GPATCH2: variants seen among roughly 807,000 people sequenced by gnomAD.
GPATCH2 encodes G-patch domain containing 2, also known as G patch domain-containing protein 2.
In GPATCH2, 51 loss-of-function variants were observed where a neutral mutation model predicts 58.0. That is an observed-to-expected ratio of 0.88 (90% CI 0.70 to 1.11). The LOEUF (loss-of-function observed/expected upper bound fraction) is 1.11. Ranked by LOEUF, GPATCH2 falls within the 50% of genes most tolerant of loss-of-function variation. The probability of loss-of-function intolerance (pLI) is 0.00; values close to 1 mark genes in which losing one functional copy is unlikely to be tolerated. For synonymous variants in GPATCH2, 222 were observed against 218.5 expected, an observed-to-expected ratio of 1.02 and a Z score of -0.14; for missense variants, 625 against 652.2, an observed-to-expected ratio of 0.96 and a Z score of 0.45.
chr1:217,543,416 C>T (rs2102649411), intron 5 of GPATCH2, among the ~76,000 whole-genome samples: 1 of 151,970 alleles, frequency 6.6e-6, no homozygotes, highest in African/African-American at 2.4e-5. Flanking sequence ...ACTACAGGCG[C>T]CCACCACCTC....
At chr1:217,512,670 C>A (rs1317600640) in intron 6 of GPATCH2, among the ~76,000 whole-genome samples, 1 of 152,206 alleles carries the variant, frequency 6.6e-6, no homozygotes, top group Non-Finnish European at 1.5e-5. Flanking sequence ...GAAACTGCAA[C>A]AACAAACACA....
chr1:217,584,990 A>G lies in GPATCH2; in HGVS notation c.1098+25331T>C, dbSNP rs140906098. On this transcript the variant is annotated intron_variant, in intron 5 of 9. Transcript: ENST00000366935. ...AAATAATACCAGGAAAATATAAACT[A>G]AAGAAAGATGAGGGCAGATATGTTA... Among the ~76,000 whole-genome samples the G allele has an allele frequency of 9.5e-4, 145 of 152,220 alleles. 1 individual carries two copies. The highest frequency in any genetic ancestry group is 3.3e-3 in the African/African-American group (137 of 41,568).
At chr1:217,469,671 A>T (rs1660631030) in intron 8 of GPATCH2, among the ~76,000 whole-genome samples, 1 of 152,148 alleles carries the variant, frequency 6.6e-6, no homozygotes, top group Admixed American at 6.5e-5. Context: ...TAAGTAAAAC[A>T]TTCTAATTAT....
chr1:217,614,297 T>TAA, intron 2 of GPATCH2, 95 bp from the exon 3 acceptor site: 1 of 714,576 alleles, frequency 1.4e-6, no homozygotes, highest in Non-Finnish European at 2.5e-6. Flanking sequence ...AGATGGAACT[T>TAA]AAGCCTGACA....
chr1:217,548,623 C>T (rs1038434772), intron 5 of GPATCH2, among the ~76,000 whole-genome samples: 1 of 152,146 alleles, frequency 6.6e-6, no homozygotes, highest in South Asian at 2.1e-4. Context: ...TGTGTCCCCA[C>T]CCAAATCTCA....
intron 2 of GPATCH2, among the ~76,000 whole-genome samples, chr1:217,614,526 C>T (rs1172179507): frequency 6.6e-6 from 1 of 152,038 alleles, no homozygotes; most frequent in Non-Finnish European, 1.5e-5. Context: ...TTACGTCATG[C>T]AATTCAGCTT....
intron 1 of GPATCH2, among the ~76,000 whole-genome samples, chr1:217,629,106 G>A (rs1240731013): frequency 6.6e-6 from 1 of 152,102 alleles, no homozygotes; most frequent in African/African-American, 2.4e-5. Flanking sequence ...CTTAGTAGCA[G>A]TATTCCCAGT....
chr1:217,458,090 C>T (rs1239373971), intron 8 of GPATCH2, among the ~76,000 whole-genome samples: 1 of 152,058 alleles, frequency 6.6e-6, no homozygotes, highest in Non-Finnish European at 1.5e-5. Context: ...ATTAGCCAGG[C>T]GTGGTCGCGG....
chr1:217,622,029 G>C (rs997965286), intron 1 of GPATCH2, among the ~76,000 whole-genome samples: 7 of 152,188 alleles, frequency 4.6e-5, no homozygotes, highest in African/African-American at 1.7e-4. Context: ...CAGCAATCAG[G>C]TTCCAGAGCT....
At chr1:217,557,824 T>C (rs1397389351) in intron 5 of GPATCH2, among the ~76,000 whole-genome samples, 1 of 152,176 alleles carries the variant, frequency 6.6e-6, no homozygotes, top group Non-Finnish European at 1.5e-5. Context: ...TTAATGTATC[T>C]TTCATAAGAT....
chr1:217,484,365 C>T (rs878856297), intron 8 of GPATCH2, among the ~76,000 whole-genome samples: 1 of 151,802 alleles, frequency 6.6e-6, no homozygotes, highest in African/African-American at 2.4e-5. Context: ...TCTTGGGTCT[C>T]GAGTCTGTCG....
intron 5 of GPATCH2, among the ~76,000 whole-genome samples, chr1:217,603,125 G>C: frequency 6.6e-6 from 1 of 152,076 alleles, no homozygotes; most frequent in Non-Finnish European, 1.5e-5. Flanking sequence ...GCATCATTGT[G>C]TCTAATTACC....
chr1:217,529,829 C>T (rs531977010), intron 5 of GPATCH2, among the ~76,000 whole-genome samples: 1 of 152,140 alleles, frequency 6.6e-6, no homozygotes, highest in Non-Finnish European at 1.5e-5. Flanking sequence ...TAACTTTTTG[C>T]TCTCCACACT....
intron 9 of GPATCH2, among the ~76,000 whole-genome samples, chr1:217,447,407 C>T (rs1659439999): frequency 6.6e-6 from 1 of 152,166 alleles, no homozygotes; most frequent in African/African-American, 2.4e-5. Flanking sequence ...AGGTGTTATG[C>T]AGACCTAGGC....
intron 8 of GPATCH2, among the ~76,000 whole-genome samples, chr1:217,468,399 G>C (rs909558938): frequency 1.6e-4 from 25 of 152,060 alleles, no homozygotes; most frequent in African/African-American, 6.0e-4. Context: ...GAGGACAGTG[G>C]AGTATGTTAA....
intron 6 of GPATCH2, among the ~76,000 whole-genome samples, chr1:217,512,501 T>C (rs1662903064): frequency 6.6e-6 from 1 of 152,200 alleles, no homozygotes; most frequent in African/African-American, 2.4e-5. Flanking sequence ...TGTGTAGGAT[T>C]TCTCTGACAA....
chr1:217,614,462 A>C (rs1416094073), intron 2 of GPATCH2, among the ~76,000 whole-genome samples: 1 of 152,098 alleles, frequency 6.6e-6, no homozygotes, highest in Admixed American at 6.6e-5. Flanking sequence ...CGAGATGCTG[A>C]CACAATTGAT....
chr1:217,568,627 G>C (rs1040624241), intron 5 of GPATCH2, among the ~76,000 whole-genome samples: 5 of 152,188 alleles, frequency 3.3e-5, no homozygotes, highest in Admixed American at 1.3e-4. Context: ...GCTATCTTGG[G>C]AGCATGCAGG....
intron 8 of GPATCH2, among the ~76,000 whole-genome samples, chr1:217,469,826 A>G (rs1660638061): frequency 6.6e-6 from 1 of 152,186 alleles, no homozygotes; most frequent in Admixed American, 6.5e-5. Flanking sequence ...GATGAATTTA[A>G]TAGGTTTTTT....
Sources: allele counts gnomAD v4.1 joint callset (sites outside exome capture counted in the v4.1 genomes callset), GRCh38; gene constraint gnomAD v4.1.1; transcripts MANE v1.5; gene names NCBI Gene and HGNC (gene_info 2026-07-23, HGNC 2026-07-21).